MDGA2: variants seen among roughly 807,000 people sequenced by gnomAD.
MDGA2 encodes the protein MAM domain containing glycosylphosphatidylinositol anchor 2, also known as MAM domain-containing glycosylphosphatidylinositol anchor protein 2.
MDGA2 carries 40 observed loss-of-function variants against 117.8 expected under a neutral mutation model. That is an observed-to-expected ratio of 0.34 (90% confidence interval 0.26 to 0.44). The LOEUF is 0.44. MDGA2 is among the 20% of genes least tolerant of loss of function. The pLI, the probability that MDGA2 is intolerant of heterozygous loss-of-function variation, is 1.00. For synonymous variants in MDGA2, 452 were observed against 439.0 expected (o/e 1.03, Z -0.37); for missense variants, 1,123 against 1,250.6 (o/e 0.90, Z 1.54).
intron 1 of MDGA2, among the ~76,000 whole-genome samples, chr14:47,669,385 T>C (rs2144990): frequency 0.99 from 151,535 of 152,326 alleles, 75,382 homozygotes; most frequent in East Asian, 1. Context: ...TTGTCTAAAC[T>C]CTGGCACTCT....
At chr14:47,355,024 G>C (rs1890963038) in intron 1 of MDGA2, among the ~76,000 whole-genome samples, 1 of 152,044 alleles carries the variant, frequency 6.6e-6, no homozygotes, top group South Asian at 2.1e-4. Flanking sequence ...TTCTGGGTAT[G>C]TTTTCAGATA....
rs372373466 is a variant in MDGA2 at position 47,470,596 on chromosome 14, C to T, written c.281-169046G>A. On this transcript the variant is annotated intron_variant, in intron 1 of 16. Coordinates refer to ENST00000399232, the MANE Select transcript of MDGA2 (RefSeq NM_001113498.3). ...AACATATGTGTGCATGTGTCTTTATCGTAGAATGATTTATAATCCTTTGGA... is the reference window on the plus strand; with the variant it reads ...AACATATGTGTGCATGTGTCTTTATTGTAGAATGATTTATAATCCTTTGGA... Among the ~76,000 whole-genome samples, 185 of 152,060 alleles carry T rather than the reference C, an allele frequency of 1.2e-3. 1 individual carries two copies. Among genetic ancestry groups the T allele is most frequent in the African/African-American group, 3.5e-3 (144 of 41,498 alleles).
chr14:46,980,152 A>T (rs1477291140), intron 8 of MDGA2, among the ~76,000 whole-genome samples: 1 of 152,192 alleles, frequency 6.6e-6, no homozygotes, highest in Admixed American at 6.5e-5. Flanking sequence ...GCTACAATCT[A>T]CATTTGTGAT....
At chr14:47,134,074 C>A (rs1882338201) in intron 4 of MDGA2, among the ~76,000 whole-genome samples, 1 of 151,988 alleles carries the variant, frequency 6.6e-6, no homozygotes, top group Admixed American at 6.6e-5. Flanking sequence ...CACAATCGAG[C>A]TAATTAACAT....
At chr14:46,970,516 G>T (rs925689046) in intron 8 of MDGA2, among the ~76,000 whole-genome samples, 1 of 152,084 alleles carries the variant, frequency 6.6e-6, no homozygotes, top group African/African-American at 2.4e-5. Flanking sequence ...AAGAAAACTG[G>T]ATGCCTATCT....
intron 2 of MDGA2, among the ~76,000 whole-genome samples, chr14:47,294,314 C>G (rs138942680): frequency 1.9e-3 from 292 of 152,018 alleles, no homozygotes; most frequent in African/African-American, 6.8e-3. Flanking sequence ...CCAGGCTGGT[C>G]TCGAACTCCT....
chr14:47,097,731 C>G (rs1265980084), intron 5 of MDGA2, among the ~76,000 whole-genome samples: 9 of 152,012 alleles, frequency 5.9e-5, no homozygotes, highest in Admixed American at 5.3e-4. Context: ...TTACAAAGGT[C>G]TAGGCAGTGA....
At chr14:47,022,125 C>G (rs1888307778) in intron 8 of MDGA2, among the ~76,000 whole-genome samples, 1 of 152,072 alleles carries the variant, frequency 6.6e-6, no homozygotes, top group African/African-American at 2.4e-5. Context: ...CACTCTATCT[C>G]CCAGACTGGA....
chr14:47,468,098 A>T (rs1003646080), intron 1 of MDGA2, among the ~76,000 whole-genome samples: 7 of 152,144 alleles, frequency 4.6e-5, no homozygotes, highest in African/African-American at 1.7e-4. Context: ...GGACAGAGAC[A>T]GCTGAGGAGT....
At chr14:47,147,999 G>A (rs564638673) in intron 3 of MDGA2, among the ~76,000 whole-genome samples, 2 of 152,180 alleles carry the variant, frequency 1.3e-5, no homozygotes, top group South Asian at 4.1e-4. Flanking sequence ...TTGAACAAGA[G>A]AATACCGAGA....
At chr14:47,553,518 T>C (rs1895626489) in intron 1 of MDGA2, among the ~76,000 whole-genome samples, 1 of 152,208 alleles carries the variant, frequency 6.6e-6, no homozygotes, top group South Asian at 2.1e-4. Flanking sequence ...TTTCAAATAA[T>C]AGTGTGGACA....
chr14:46,913,805 T>C (rs1462942571), intron 10 of MDGA2, among the ~76,000 whole-genome samples: 1 of 152,174 alleles, frequency 6.6e-6, no homozygotes, highest in African/African-American at 2.4e-5. Flanking sequence ...TTTATTTCTA[T>C]TAAACCACTT....
intron 1 of MDGA2, among the ~76,000 whole-genome samples, chr14:47,532,714 G>A (rs1210322353): frequency 6.6e-6 from 1 of 152,048 alleles, no homozygotes; most frequent in South Asian, 2.1e-4. Flanking sequence ...CTTTGTATCA[G>A]TTAAAACTTT....
intron 1 of MDGA2, among the ~76,000 whole-genome samples, chr14:47,651,524 G>C (rs1897644314): frequency 6.6e-6 from 1 of 152,078 alleles, no homozygotes; most frequent in African/African-American, 2.4e-5. Flanking sequence ...TATCTTCAGA[G>C]GAATGAGAAA....
chr14:47,294,467 A>T (rs10151919), intron 2 of MDGA2, among the ~76,000 whole-genome samples: 405 of 152,234 alleles, frequency 2.7e-3, no homozygotes, highest in Non-Finnish European at 4.5e-3. Context: ...TTATCCAAAG[A>T]TTATTTGAAA....
intron 1 of MDGA2, among the ~76,000 whole-genome samples, chr14:47,524,111 T>G (rs902554188): frequency 6.6e-6 from 1 of 152,184 alleles, no homozygotes; most frequent in South Asian, 2.1e-4. Flanking sequence ...TAAAATAGAC[T>G]TTAGTATGAA....
At chr14:47,641,144 T>C (rs1432249511) in intron 1 of MDGA2, among the ~76,000 whole-genome samples, 1 of 152,128 alleles carries the variant, frequency 6.6e-6, no homozygotes, top group Admixed American at 6.5e-5. Context: ...TACATATGTA[T>C]GTATTCAATG....
chr14:46,877,486 TACTC>T lies in MDGA2; in HGVS notation c.2436_2437+2del, dbSNP rs760120150. On this transcript the variant is annotated splice_donor_variant and coding_sequence_variant, in exon 12 of 17. Coordinates refer to ENST00000399232, the MANE Select transcript of MDGA2 (RefSeq NM_001113498.3). LOFTEE classifies it high-confidence loss of function. ...GCCATTTTGTAAGTTAAAATATACT[TACTC>T]AAATGAGGATTTACAGGAGCTACAA... The T allele has an allele frequency of 1.4e-6, 2 of 1,477,954 alleles. No homozygotes were observed. The highest frequency in any genetic ancestry group is 1.9e-6 in the Non-Finnish European group (2 of 1,079,318). 91.6% of individuals were successfully genotyped at this position (1,477,954 alleles called of 1,614,324 possible). A position where few individuals can be genotyped will look rare whatever the true frequency, so the allele number is the denominator to read the frequency against.
In MDGA2 at chr14:47,331,935, C is replaced by T. The variant is rs191089049; in HGVS notation, c.281-30385G>A. 1.4e-4 allele frequency among the ~76,000 whole-genome samples: 22 copies of T among 151,978 alleles called. 1 individual carries two copies. In the East Asian group the frequency reaches 3.5e-3, roughly 24 times the overall value. Reference sequence around the variant, plus strand: ...TAAAACAACTCTCATTTAGCACGTACGAACATTTTGGCATAAAGAAGTCAA... The same window carrying T: ...TAAAACAACTCTCATTTAGCACGTATGAACATTTTGGCATAAAGAAGTCAA... On this transcript the variant is annotated intron_variant, in intron 1 of 16. Transcript: ENST00000399232.
Sources: gnomAD v4.1 joint callset for allele counts (sites outside exome capture counted in the v4.1 genomes callset) on GRCh38, gnomAD v4.1.1 for gene constraint, MANE v1.5 for transcripts, NCBI Gene and HGNC (gene_info 2026-07-23, HGNC 2026-07-21) for gene names.